MVB12B: variants seen among roughly 807,000 people sequenced by gnomAD.
The protein encoded by MVB12B is multivesicular body subunit 12B.
MVB12B carries 16 observed loss-of-function variants against 41.6 expected under a neutral mutation model. The ratio of observed to expected loss-of-function variants is 0.38; its 90% confidence interval spans 0.26 to 0.58. The LOEUF (loss-of-function observed/expected upper bound fraction) is 0.58, where lower values mean the gene tolerates loss of function less well. MVB12B is among the 20% of genes least tolerant of loss of function. MVB12B has a pLI of 0.62. For missense variants in MVB12B, 274 were observed against 380.2 expected (o/e 0.72, Z 2.32); for synonymous variants, 133 against 139.7 (o/e 0.95, Z 0.34).
chr9:126,458,446 C>T (rs1833029688), intron 7 of MVB12B, among the ~76,000 whole-genome samples: 1 of 152,234 alleles, frequency 6.6e-6, no homozygotes, highest in African/African-American at 2.4e-5. Flanking sequence ...CATCCTCACT[C>T]AACACTGGCT....
chr9:126,493,511 C>T (rs1252728867), intron 9 of MVB12B, among the ~76,000 whole-genome samples: 1 of 152,202 alleles, frequency 6.6e-6, no homozygotes, highest in Non-Finnish European at 1.5e-5. Context: ...ACTAATTTTA[C>T]TCACAGGACT....
chr9:126,505,726 G>GTGTATCCTCC lies in MVB12B; in HGVS notation c.*2465_*2466insTATCCTCCTG, dbSNP rs1834055984. On this transcript the variant is annotated 3_prime_UTR_variant, in exon 10 of 10. Transcript: ENST00000361171. The stretch of plus-strand genomic sequence containing the variant: ...CATGCGTGTGTATAAGCCCACCTGA[G>GTGTATCCTCC]TGGGGCTCGTGCAGGAGAACTGAGG... 1 of 152,152 alleles carries GTGTATCCTCC rather than the reference G, an allele frequency of 6.6e-6. No homozygotes were observed. Among genetic ancestry groups the GTGTATCCTCC allele is most frequent in the African/African-American group, 2.4e-5 (1 of 41,410 alleles). 9.4% of individuals were successfully genotyped at this position (152,152 alleles called of 1,614,324 possible).
intron 9 of MVB12B, among the ~76,000 whole-genome samples, chr9:126,500,347 C>T (rs62578078): frequency 0.28 from 43,120 of 152,110 alleles, 7,922 homozygotes; most frequent in African/African-American, 0.52. Context: ...GGCCTTGGAG[C>T]ATCCAAAGTG....
At chr9:126,408,859 A>G (rs1831529100) in intron 6 of MVB12B, among the ~76,000 whole-genome samples, 1 of 152,208 alleles carries the variant, frequency 6.6e-6, no homozygotes, top group Non-Finnish European at 1.5e-5. Context: ...GTATAGTTCT[A>G]AATGCTATCA....
At chr9:126,380,679 C>T (rs1830609283) in intron 2 of MVB12B, among the ~76,000 whole-genome samples, 1 of 152,222 alleles carries the variant, frequency 6.6e-6, no homozygotes, top group South Asian at 2.1e-4. Flanking sequence ...GCAGCGCCCC[C>T]TCAGGTGGCT....
Position 126,486,020 on chromosome 9 carries a change from C to T in MVB12B, c.873+1988C>T, listed in dbSNP as rs1194590819. On this transcript the variant is annotated intron_variant, in intron 9 of 9. Coordinates refer to ENST00000361171, the MANE Select transcript of MVB12B (RefSeq NM_033446.3). This position sits in a 1 kb window ranked among gnomAD's most constrained non-coding sequence, Gnocchi z 4.7. ...TCTTGTGTACCCAGCTAGCAGAAGC[C>T]GGCTGCATTATTGAAAGATGGCTGA... Among the ~76,000 whole-genome samples the T allele has an allele frequency of 6.6e-6, 1 of 151,794 alleles. No individual in the cohort carries two copies. Among genetic ancestry groups the T allele is most frequent in the African/African-American group, 2.4e-5 (1 of 41,224 alleles).
chr9:126,497,842 C>T (rs1286210755), intron 9 of MVB12B, among the ~76,000 whole-genome samples: 2 of 152,244 alleles, frequency 1.3e-5, no homozygotes, highest in Non-Finnish European at 2.9e-5. Flanking sequence ...AGAAGACGTG[C>T]AGGGTTTCCA....
chr9:126,409,242 A>G (rs990171777), intron 6 of MVB12B, among the ~76,000 whole-genome samples: 3 of 151,920 alleles, frequency 2.0e-5, no homozygotes, highest in African/African-American at 7.3e-5. Flanking sequence ...TACAGCCTTG[A>G]AAACATTTTT....
At chr9:126,451,341 G>A (rs528306304) in intron 7 of MVB12B, among the ~76,000 whole-genome samples, 1 of 152,340 alleles carries the variant, frequency 6.6e-6, no homozygotes, top group African/African-American at 2.4e-5. Context: ...GAGAATGGCT[G>A]GGAAGCAGTG....
rs1830888661 is a variant in MVB12B at position 126,389,631 on chromosome 9, G to A, written c.410-2435G>A. Among the ~76,000 whole-genome samples the A allele has an allele frequency of 6.6e-6, 1 of 152,126 alleles. No individual in the cohort carries two copies. Among genetic ancestry groups the A allele is most frequent in the African/African-American group, 2.4e-5 (1 of 41,414 alleles). ...GTGGCAACAGCAAGTGAAACACCCG[G>A]CGTTAGTTTTCTTTGTGTAAAGGTC... On this transcript the variant is annotated intron_variant, in intron 4 of 9. Transcript: ENST00000361171. The surrounding 1 kb of genome is among the most constrained non-coding windows in gnomAD (Gnocchi z 4.4).
rs1469448659 is a variant in MVB12B, at chr9:126,480,872, T to C, written c.758-497T>C. On this transcript the variant is annotated intron_variant, in intron 7 of 9. Transcript: ENST00000361171. This position sits in a 1 kb window ranked among gnomAD's most constrained non-coding sequence, Gnocchi z 4.9. ...CTCATCTGCAGTCACCAGCTGGGAT[T>C]TGAACCCAGCCAATCTGACTCCTGA... 2 of 153,908 alleles carry C rather than the reference T, an allele frequency of 1.3e-5. No homozygotes were observed. Among genetic ancestry groups the C allele is most frequent in the African/African-American group, 4.8e-5 (2 of 41,496 alleles). The allele number at this position is 153,908 out of a possible 1,614,324, so 9.5% of individuals were successfully genotyped here. A position where few individuals can be genotyped will look rare whatever the true frequency, so the allele number is the denominator to read the frequency against.
chr9:126,466,516 G>A (rs576614679), intron 7 of MVB12B, among the ~76,000 whole-genome samples: 1 of 152,310 alleles, frequency 6.6e-6, no homozygotes, highest in South Asian at 2.1e-4. Context: ...CACATACGCG[G>A]ATAGTGTGAC....
intron 9 of MVB12B, among the ~76,000 whole-genome samples, chr9:126,498,917 C>T (rs577490687): frequency 6.6e-6 from 1 of 152,184 alleles, no homozygotes; most frequent in African/African-American, 2.4e-5. Context: ...CTGGTGTCCC[C>T]GTGCCGGTTA....
chr9:126,337,098 C>T (rs1183798832), intron 1 of MVB12B, among the ~76,000 whole-genome samples: 1 of 152,224 alleles, frequency 6.6e-6, no homozygotes, highest in Admixed American at 6.5e-5. Context: ...ACTGGGTCAG[C>T]TTTGGGGGTT....
Position 126,423,954 on chromosome 9 carries a change from T to A in MVB12B, c.757+2006T>A, listed in dbSNP as rs116288780. On this transcript the variant is annotated intron_variant, in intron 7 of 9. Coordinates refer to ENST00000361171, the MANE Select transcript of MVB12B (RefSeq NM_033446.3). Reference sequence around the variant, plus strand: ...GGCCCTAGCCCTTGCCCAGTACCCATGCCTTGATAGCTGGAGTTCTGCTGA... The same window carrying A: ...GGCCCTAGCCCTTGCCCAGTACCCAAGCCTTGATAGCTGGAGTTCTGCTGA... 3.6e-4 allele frequency among the ~76,000 whole-genome samples: 55 copies of A among 152,332 alleles called. 1 individual carries two copies. The highest frequency in any genetic ancestry group is 1.3e-3 in the African/African-American group (55 of 41,584).
In MVB12B at chr9:126,389,356, AC is replaced by A. The variant is rs570988944; in HGVS notation, c.409+2699del. ...CCTGATTTTATACAGTCAGCCAAAA[AC>A]AGGAGACTCCTGTAATTCATTGAAA... On this transcript the variant is annotated intron_variant, in intron 4 of 9. Coordinates refer to ENST00000361171, the MANE Select transcript of MVB12B (RefSeq NM_033446.3). This position sits in a 1 kb window ranked among gnomAD's most constrained non-coding sequence, Gnocchi z 4.4. Among the ~76,000 whole-genome samples the A allele has an allele frequency of 1.0e-3, 152 of 152,310 alleles. No individual in the cohort carries two copies. The highest frequency in any genetic ancestry group is 3.4e-3 in the African/African-American group (143 of 41,550).
intron 7 of MVB12B, among the ~76,000 whole-genome samples, chr9:126,435,083 T>C (rs1832433811): frequency 2.0e-5 from 3 of 149,320 alleles, no homozygotes; most frequent in Admixed American, 1.3e-4. Flanking sequence ...TCTGTTTTCT[T>C]TTTTTTTTTG....
intron 6 of MVB12B, among the ~76,000 whole-genome samples, chr9:126,406,762 TAAATG>T (rs913869838): frequency 2.0e-5 from 3 of 152,190 alleles, no homozygotes; most frequent in Non-Finnish European, 4.4e-5. Context: ...TAATAAAACT[TAAATG>T]TAGTGAATAA....
At chr9:126,452,680 A>G (rs1832907292) in intron 7 of MVB12B, among the ~76,000 whole-genome samples, 1 of 151,906 alleles carries the variant, frequency 6.6e-6, no homozygotes, top group African/African-American at 2.4e-5. Flanking sequence ...CATTTCCCCC[A>G]TGCCTTTGAT....
Sources: gnomAD v4.1 joint callset for allele counts (sites outside exome capture counted in the v4.1 genomes callset) on GRCh38, gnomAD v4.1.1 for gene constraint, Gnocchi (gnomAD v3.1) non-coding constraint, MANE v1.5 for transcripts, NCBI Gene and HGNC (gene_info 2026-07-23, HGNC 2026-07-21) for gene names.